HMGN5: variants seen among roughly 807,000 people sequenced by gnomAD.
HMGN5 encodes high mobility group nucleosome-binding domain-containing protein 5.
In HMGN5, 4 loss-of-function variants were observed where a neutral mutation model predicts 9.5. That is an observed-to-expected ratio of 0.42 (90% CI 0.21 to 0.96). HMGN5 has a LOEUF of 0.96. HMGN5 is among the 40% of genes least tolerant of loss of function. HMGN5 has a pLI of 0.30. For missense variants in HMGN5, 192 were observed against 187.5 expected (o/e 1.02, Z -0.14); for synonymous variants, 55 against 57.1 (o/e 0.96, Z 0.16).
At chrX:81,136,117 C>G (rs759950857) in intron 1 of HMGN5, among the ~76,000 whole-genome samples, 1 of 111,555 alleles carries the variant, frequency 9.0e-6, no homozygotes, top group Non-Finnish European at 1.9e-5. Context: ...AATTTCTTGT[C>G]TTGATAATGT....
intron 1 of HMGN5, among the ~76,000 whole-genome samples, chrX:81,175,655 T>C (rs925180416): frequency 4.5e-5 from 5 of 110,894 alleles, no homozygotes; most frequent in Non-Finnish European, 7.5e-5. Context: ...AAGCAGTCAA[T>C]CGCCTTAGCT....
intron 1 of HMGN5, among the ~76,000 whole-genome samples, chrX:81,194,247 C>T (rs2075501482): frequency 9.0e-6 from 1 of 111,254 alleles, no homozygotes; most frequent in East Asian, 2.8e-4. Context: ...AACATTTTCA[C>T]GTTCTCAGGG....
chrX:81,170,215 T>C (rs941622325), intron 1 of HMGN5, among the ~76,000 whole-genome samples: 40 of 110,376 alleles, frequency 3.6e-4, no homozygotes, highest in African/African-American at 1.1e-3. Context: ...AGTCATTACA[T>C]AGTAGCCAAG....
intron 1 of HMGN5, among the ~76,000 whole-genome samples, chrX:81,176,683 T>C (rs1374156341): frequency 9.0e-6 from 1 of 111,332 alleles, no homozygotes; most frequent in Non-Finnish European, 1.9e-5. Flanking sequence ...AGAAAGGCTA[T>C]CAGTGACCAA....
chrX:81,195,414 T>A (rs776732357), intron 1 of HMGN5: 1 of 111,256 alleles, frequency 9.0e-6, no homozygotes, highest in Non-Finnish European at 1.9e-5. Context: ...CCAGCCAGAC[T>A]GAGGGTGGGT....
intron 1 of HMGN5, among the ~76,000 whole-genome samples, chrX:81,129,384 A>C (rs2075292894): frequency 9.0e-6 from 1 of 111,540 alleles, no homozygotes; most frequent in Non-Finnish European, 1.9e-5. Flanking sequence ...ATTACGAGTG[A>C]AGCTGAACAT....
In HMGN5 at chrX:81,121,594, C is replaced by T. The variant is rs776696805; in HGVS notation, c.-45G>A. On this transcript the variant is annotated 5_prime_UTR_variant, in exon 2 of 7. Transcript: ENST00000358130. ...AGATCTTAGTCAGCAGAAAAAAAGCCGAAGGCAGTCACTGCCTGACTGCTC... is the reference window on the plus strand; with the variant it reads ...AGATCTTAGTCAGCAGAAAAAAAGCTGAAGGCAGTCACTGCCTGACTGCTC... 12 of 1,083,901 alleles carry T rather than the reference C, an allele frequency of 1.1e-5. No homozygotes were observed. The allele number at this position is 1,083,901 out of a possible 1,213,427, so 89.3% of individuals were successfully genotyped here. A position where few individuals can be genotyped will look rare whatever the true frequency, so the allele number is the denominator to read the frequency against.
intron 1 of HMGN5, among the ~76,000 whole-genome samples, chrX:81,131,682 T>C (rs1320196785): frequency 9.0e-6 from 1 of 111,476 alleles, no homozygotes. Context: ...TGTTAAAAAC[T>C]CTCAATAAGC....
At chrX:81,151,543 T>C (rs1406187326) in intron 1 of HMGN5, among the ~76,000 whole-genome samples, 1 of 110,294 alleles carries the variant, frequency 9.1e-6, no homozygotes, top group African/African-American at 3.3e-5. Context: ...TTGGGCAGTA[T>C]GGCCATTTTC....
chrX:81,154,964 G>T (rs2075378610), intron 1 of HMGN5, among the ~76,000 whole-genome samples: 1 of 106,887 alleles, frequency 9.4e-6, no homozygotes, highest in South Asian at 4.0e-4. Flanking sequence ...CAGTTTGGAA[G>T]TTCCTCAAAT....
chrX:81,115,812 A>T (rs2075251604), intron 6 of HMGN5, among the ~76,000 whole-genome samples: 1 of 112,257 alleles, frequency 8.9e-6, no homozygotes, highest in African/African-American at 3.2e-5. Flanking sequence ...AAATAAGATT[A>T]AAAACATTTA....
intron 1 of HMGN5, among the ~76,000 whole-genome samples, chrX:81,148,782 C>G (rs1006762161): frequency 1.5e-4 from 17 of 110,208 alleles, no homozygotes; most frequent in African/African-American, 2.0e-4. Flanking sequence ...AACAAATTTA[C>G]AAGAAAAAAA....
At chrX:81,120,144 TG>T (rs1457956602) in intron 2 of HMGN5, among the ~76,000 whole-genome samples, 1 of 111,951 alleles carries the variant, frequency 8.9e-6, no homozygotes, top group African/African-American at 3.2e-5. Context: ...GCCAAAAATG[TG>T]GGGGTGGGTC....
At chrX:81,188,604 C>T (rs1196577950) in intron 1 of HMGN5, among the ~76,000 whole-genome samples, 1 of 109,873 alleles carries the variant, frequency 9.1e-6, no homozygotes, top group East Asian at 2.9e-4. Flanking sequence ...TTAGTTATAT[C>T]TCCTAACGCT....
At chrX:81,180,083 C>G (rs1420926366) in intron 1 of HMGN5, among the ~76,000 whole-genome samples, 1 of 111,635 alleles carries the variant, frequency 9.0e-6, no homozygotes, top group Non-Finnish European at 1.9e-5. Context: ...AATGTTAGAC[C>G]TAAAACCATA....
At chrX:81,136,293 G>A (rs1399157158) in intron 1 of HMGN5, among the ~76,000 whole-genome samples, 1 of 111,945 alleles carries the variant, frequency 8.9e-6, no homozygotes, top group Non-Finnish European at 1.9e-5. Flanking sequence ...ATGTGGGTAA[G>A]TGCAATAAAT....
At chrX:81,116,662 T>C (rs1449626305) in intron 5 of HMGN5, among the ~76,000 whole-genome samples, 1 of 112,115 alleles carries the variant, frequency 8.9e-6, no homozygotes, top group East Asian at 2.8e-4. Flanking sequence ...GGCATCAGGT[T>C]AGACTGATCA....
intron 1 of HMGN5, among the ~76,000 whole-genome samples, chrX:81,171,293 A>G (rs2075425242): frequency 8.9e-6 from 1 of 111,918 alleles, no homozygotes; most frequent in Non-Finnish European, 1.9e-5. Context: ...TTAGGTAAGT[A>G]AGAAGAAAAA....
At chrX:81,158,769 A>C (rs973011140) in intron 1 of HMGN5, among the ~76,000 whole-genome samples, 1 of 111,348 alleles carries the variant, frequency 9.0e-6, no homozygotes, top group East Asian at 2.8e-4. Context: ...TATTGCCTAG[A>C]TTTTCTTCTA....
Sources: gnomAD v4.1 joint callset for allele counts (sites outside exome capture counted in the v4.1 genomes callset) on GRCh38, gnomAD v4.1.1 for gene constraint, MANE v1.5 for transcripts, NCBI Gene and HGNC (gene_info 2026-07-23, HGNC 2026-07-21) for gene names.